The following GNG4 variants were observed in gnomAD, a reference collection of about 807,000 sequenced individuals.
The protein encoded by GNG4 is guanine nucleotide-binding protein G(I)/G(S)/G(O) subunit gamma-4.
GNG4 carries 4 observed loss-of-function variants against 5.8 expected under a neutral mutation model. The ratio of observed to expected loss-of-function variants is 0.69; its 90% CI spans 0.34 to 1.57. The LOEUF (loss-of-function observed/expected upper bound fraction) is 1.57, where lower values mean the gene tolerates loss of function less well. GNG4 is among the 40% of genes most tolerant of loss of function. The pLI is 0.06. For synonymous variants in GNG4, 29 were observed against 32.9 expected (o/e 0.88, Z 0.41); for missense variants, 96 against 95.1 (o/e 1.01, Z -0.04).
chr1:235,646,245 G>A, intron 1 of GNG4, among the ~76,000 whole-genome samples: 1 of 152,192 alleles, frequency 6.6e-6, no homozygotes, highest in Non-Finnish European at 1.5e-5. Flanking sequence ...CATGTGCAGT[G>A]CCTGAGTGTG....
chr1:235,637,523 C>T (rs1253347451), intron 1 of GNG4, among the ~76,000 whole-genome samples: 1 of 151,984 alleles, frequency 6.6e-6, no homozygotes, highest in Non-Finnish European at 1.5e-5. Context: ...CGCGGTGGCG[C>T]GTGCCTGCAA....
At chr1:235,558,918 TA>T (rs1208915870) in intron 3 of GNG4, among the ~76,000 whole-genome samples, 6 of 152,168 alleles carry the variant, frequency 3.9e-5, no homozygotes, top group Non-Finnish European at 7.4e-5. Flanking sequence ...CATTTCAGAG[TA>T]AAAGAGGTGA....
At chr1:235,578,742 G>A (rs1029683848) in intron 3 of GNG4, among the ~76,000 whole-genome samples, 3 of 152,248 alleles carry the variant, frequency 2.0e-5, no homozygotes, top group African/African-American at 4.8e-5. Flanking sequence ...GAAATAGAGA[G>A]TAAAATGGTG....
intron 2 of GNG4, among the ~76,000 whole-genome samples, chr1:235,594,568 C>G (rs1688076204): frequency 6.6e-6 from 1 of 152,190 alleles, no homozygotes; most frequent in Non-Finnish European, 1.5e-5. Flanking sequence ...GGTCCCGAGC[C>G]CTGCCCCGCA....
At chr1:235,594,985 CT>C (rs1319919425) in intron 2 of GNG4, among the ~76,000 whole-genome samples, 2 of 152,200 alleles carry the variant, frequency 1.3e-5, no homozygotes, top group African/African-American at 4.8e-5. Flanking sequence ...GCAGCTTAAA[CT>C]GCGAGTGGGG....
intron 1 of GNG4, among the ~76,000 whole-genome samples, chr1:235,638,023 C>T (rs1489138687): frequency 1.3e-5 from 2 of 152,218 alleles, no homozygotes; most frequent in Non-Finnish European, 2.9e-5. Flanking sequence ...GCTTCCCGGA[C>T]CCTGGCTCCT....
chr1:235,579,802 G>C (rs1472427833), intron 3 of GNG4, among the ~76,000 whole-genome samples: 1 of 136,514 alleles, frequency 7.3e-6, no homozygotes, highest in Non-Finnish European at 1.5e-5. Flanking sequence ...AGTGAGCTGA[G>C]ATCATGCCAC....
chr1:235,569,033 G>T (rs1422304814), intron 3 of GNG4, among the ~76,000 whole-genome samples: 1 of 151,964 alleles, frequency 6.6e-6, no homozygotes, highest in Non-Finnish European at 1.5e-5. Flanking sequence ...CACCATGCTG[G>T]CCAGGCTGGT....
chr1:235,609,862 G>A (rs751500954), intron 1 of GNG4, among the ~76,000 whole-genome samples: 2 of 151,826 alleles, frequency 1.3e-5, no homozygotes, highest in South Asian at 2.1e-4. Flanking sequence ...ATGACAGAGC[G>A]AGACCCTGTC....
chr1:235,599,348 G>T (rs950125593), intron 1 of GNG4, among the ~76,000 whole-genome samples: 4 of 147,622 alleles, frequency 2.7e-5, no homozygotes, highest in Non-Finnish European at 5.9e-5. Flanking sequence ...ACAGAGTCTC[G>T]CTTTGTTGCC....
intron 1 of GNG4, among the ~76,000 whole-genome samples, chr1:235,628,143 G>A (rs192496299): frequency 7.2e-5 from 11 of 152,250 alleles, no homozygotes; most frequent in East Asian, 5.8e-4. Flanking sequence ...TTGTGCCATC[G>A]CACTCCAGCC....
chr1:235,607,316 C>T (rs946352553), intron 1 of GNG4, among the ~76,000 whole-genome samples: 14 of 150,252 alleles, frequency 9.3e-5, no homozygotes, highest in Non-Finnish European at 1.8e-4. Context: ...TTACTTAGTG[C>T]CAATAAAACT....
At chr1:235,591,858 G>T (rs928081238) in intron 2 of GNG4, among the ~76,000 whole-genome samples, 1 of 152,232 alleles carries the variant, frequency 6.6e-6, no homozygotes, top group African/African-American at 2.4e-5. Context: ...CGCACCGGGG[G>T]TTTCTTGAGA....
chr1:235,628,005 A>AC (rs955648774), intron 1 of GNG4, among the ~76,000 whole-genome samples: 8 of 151,452 alleles, frequency 5.3e-5, no homozygotes, highest in African/African-American at 1.9e-4. Context: ...ACATGAAGAA[A>AC]CCCCGTCTCT....
chr1:235,571,059 C>T (rs1490132109), intron 3 of GNG4, among the ~76,000 whole-genome samples: 1 of 150,148 alleles, frequency 6.7e-6, no homozygotes, highest in Non-Finnish European at 1.5e-5. Context: ...CCTTGGCCTC[C>T]CAAAGTGCTG....
chr1:235,564,939 T>TCCCA (rs1334825502), intron 3 of GNG4, among the ~76,000 whole-genome samples: 1 of 152,136 alleles, frequency 6.6e-6, no homozygotes, highest in Non-Finnish European at 1.5e-5. Flanking sequence ...CACCTTGGCC[T>TCCCA]CCCAAAATGC....
At position 235,563,978 on chromosome 1, in the gene GNG4, A is replaced by G. The variant is rs2102920595; in HGVS notation, c.100-11741T>C. On this transcript the variant is annotated intron_variant, in intron 3 of 3. Coordinates refer to ENST00000391854, the MANE Select transcript of GNG4 (RefSeq NM_001098722.2). ...AGACTTTCCAGCAATTTTATAAGCT[A>G]TTCAAAATCCCTTTAATAAATTCCT... 1.3e-5 allele frequency among the ~76,000 whole-genome samples: 2 copies of G among 152,342 alleles called. 1 individual carries two copies. Among genetic ancestry groups the G allele is most frequent in the South Asian group, 4.1e-4 (2 of 4,828 alleles).
At position 235,551,753 on chromosome 1, in the gene GNG4, GT is replaced by G. The variant is rs904342558; in HGVS notation, c.*355del. The G allele has an allele frequency of 1.9e-4, 29 of 156,092 alleles. No individual in the cohort carries two copies. The highest frequency in any genetic ancestry group is 1.5e-3 in the East Asian group (8 of 5,396). 9.7% of individuals were successfully genotyped at this position (156,092 alleles called of 1,614,324 possible). On this transcript the variant is annotated 3_prime_UTR_variant, in exon 4 of 4. Coordinates refer to ENST00000391854, the MANE Select transcript of GNG4 (RefSeq NM_001098722.2). Reference sequence around the variant, plus strand: ...TGCAAATAAGGGATATTTAGGCATAGTTTTTTTTTTAAAATAAATTATCCAC... The same window carrying G: ...TGCAAATAAGGGATATTTAGGCATAGTTTTTTTTTAAAATAAATTATCCAC...
rs116435006 is a variant in GNG4 at position 235,591,740 on chromosome 1, T to C, written c.-11+3660A>G. On this transcript the variant is annotated intron_variant, in intron 2 of 3. Transcript: ENST00000391854. ...ACTGGGCTCTCGGCTTTCCAGAAGA[T>C]GAGGCAAGGGGGAAAAGGGACCATT... Among the ~76,000 whole-genome samples, 182 of 152,278 alleles carry C rather than the reference T, an allele frequency of 1.2e-3. 1 individual carries two copies. Among genetic ancestry groups the C allele is most frequent in the African/African-American group, 4.2e-3 (176 of 41,548 alleles).
Sources: gnomAD v4.1 joint callset for allele counts (sites outside exome capture counted in the v4.1 genomes callset) on GRCh38, gnomAD v4.1.1 for gene constraint, MANE v1.5 for transcripts, NCBI Gene and HGNC (gene_info 2026-07-23, HGNC 2026-07-21) for gene names.